The following IRF5 variants were observed in gnomAD, a reference collection of about 807,000 sequenced individuals.
IRF5 encodes the protein interferon regulatory factor 5.
Under a neutral mutation model 55.1 loss-of-function variants are expected in IRF5, and 24 were observed. The ratio of observed to expected loss-of-function variants is 0.44; its 90% confidence interval spans 0.32 to 0.61. The LOEUF (loss-of-function observed/expected upper bound fraction) is 0.61, where lower values mean the gene tolerates loss of function less well. Among genes scored for constraint, IRF5 ranks in the 20% least tolerant of loss-of-function variants. The pLI is 0.07. For missense variants in IRF5, 499 were observed against 658.5 expected (o/e 0.76, Z 2.65); for synonymous variants, 258 against 260.2 (o/e 0.99, Z 0.08).
chr7:128,941,849 G>A (rs140276577), intron 1 of IRF5, among the ~76,000 whole-genome samples: 29 of 152,298 alleles, frequency 1.9e-4, no homozygotes, highest in South Asian at 4.1e-4. Context: ...ACCTGGGGCC[G>A]CGCCCGCAGC....
At chr7:128,945,232 C>T (rs1796235733) in intron 2 of IRF5, among the ~76,000 whole-genome samples, 1 of 152,182 alleles carries the variant, frequency 6.6e-6, no homozygotes. Context: ...CTCACCTCAG[C>T]CTCCTGAGTA....
Position 128,947,159 on chromosome 7 carries a change from T to G in IRF5, c.482-71T>G. The G allele has an allele frequency of 1.2e-6, 2 of 1,606,686 alleles. No homozygotes were observed. Among genetic ancestry groups the G allele is most frequent in the Non-Finnish European group, 1.7e-6 (2 of 1,175,360 alleles). ...ATGGGAGGCTAGGGTGGCCCAGGGC[T>G]GGGAGGAGGTGTGCCTGGGAGGCAG... On this transcript the variant is annotated intron_variant, in intron 5 of 8. Coordinates refer to ENST00000357234, the MANE Select transcript of IRF5 (RefSeq NM_001098629.3). This position sits in a 1 kb window ranked among gnomAD's most constrained non-coding sequence, Gnocchi z 6.5.
rs750835400 is a variant in IRF5, at chr7:128,945,817, T to C, written c.196-28T>C. The C allele has an allele frequency of 3.8e-6, 6 of 1,588,444 alleles. No individual in the cohort carries two copies. The East Asian group carries it at 1.1e-4, about 30-fold the overall frequency. On this transcript the variant is annotated intron_variant, in intron 2 of 8. Transcript: ENST00000357234. ...GGGCTGTGGCAGGGATGAGGTTCTC[T>C]GTGGTCGGCTATTTCTTCCTGCCCC... is the stretch of plus-strand genomic sequence containing the variant.
intron 2 of IRF5, 91 bp from the exon 3 acceptor site, chr7:128,945,754 C>T (rs1796265513): frequency 9.2e-6 from 12 of 1,303,972 alleles, no homozygotes; most frequent in Non-Finnish European, 1.2e-5. Context: ...AAGTTCTCCC[C>T]ACACAGTAGA....
At position 128,946,538 on chromosome 7, in the gene IRF5, A is replaced by AGAG; in HGVS notation, c.432_434dup (p.Glu149dup). ...CTGAGGATTACTCTTTTGGTGCAGG[A>AGAG]GAGGAGGAGGAAGAAGAGGAAGAGG... is the stretch of plus-strand genomic sequence containing the variant. On this transcript the variant is annotated inframe_insertion, in exon 4 of 9. Coordinates refer to ENST00000357234, the MANE Select transcript of IRF5 (RefSeq NM_001098629.3). The surrounding 1 kb of genome is among the most constrained non-coding windows in gnomAD (Gnocchi z 4.2). 6.2e-7 allele frequency: 1 copy of AGAG among 1,607,326 alleles called. No individual in the cohort carries two copies. The highest frequency in any genetic ancestry group is 1.3e-5 in the African/African-American group (1 of 74,920).
In IRF5 at chr7:128,945,873, C is replaced by G; in HGVS notation, c.224C>G (p.Thr75Ser). Residue 75 changes from threonine to serine, a missense_variant, in exon 3 of 9, where the codon ACC (threonine) becomes AGC (serine). By Grantham distance (58) the Thr-to-Ser change is moderately conservative. Around this residue, in one of 2 missense-constraint regions of IRF5, gnomAD observed 305 missense variants for 340.2 expected, o/e 0.90. Transcript: ENST00000357234. ...KAWAKETGKYTEGVDEADPAK... is the reference protein window; with the variant it reads ...KAWAKETGKYSEGVDEADPAK... ...TGGGCCAAGGAGACAGGGAAATACA[C>G]CGAAGGCGTGGATGAAGCCGATCCG... 4 of 1,612,792 alleles carry G rather than the reference C, an allele frequency of 2.5e-6. No individual in the cohort carries two copies. The highest frequency in any genetic ancestry group is 3.4e-6 in the Non-Finnish European group (4 of 1,179,656).
intron 2 of IRF5, among the ~76,000 whole-genome samples, chr7:128,943,585 A>G (rs1796147389): frequency 1.4e-5 from 2 of 138,608 alleles, no homozygotes; most frequent in Admixed American, 1.5e-4. Flanking sequence ...TTTTCACCCT[A>G]GCTGGAGTGC....
chr7:128,941,236 C>G lies in IRF5; in HGVS notation c.-11-835C>G, dbSNP rs567468288. 1.2e-3 allele frequency: 186 copies of G among 152,542 alleles called. 1 individual carries two copies. The highest frequency in any genetic ancestry group is 4.2e-3 in the African/African-American group (175 of 41,562). The allele number at this position is 152,542 out of a possible 1,614,324, so 9.4% of individuals were successfully genotyped here. A position where few individuals can be genotyped will look rare whatever the true frequency, so the allele number is the denominator to read the frequency against. On this transcript the variant is annotated intron_variant, in intron 1 of 8. Transcript: ENST00000357234. ...GGCCTGGGAGGCGGGGCTCGTGCCCCTGGGTAGGTAGCAGTTAGAGCTGTG... is the reference window on the plus strand; with the variant it reads ...GGCCTGGGAGGCGGGGCTCGTGCCCGTGGGTAGGTAGCAGTTAGAGCTGTG...
Position 128,945,930 on chromosome 7 carries a change from T to C in IRF5, c.281T>C (p.Leu94Pro). The C allele has an allele frequency of 6.2e-7, 1 of 1,613,512 alleles. No homozygotes were observed. Among genetic ancestry groups the C allele is most frequent in the South Asian group, 1.1e-5 (1 of 91,040 alleles). Reference sequence around the variant, plus strand: ...TGGAAGGCCAACCTGCGCTGTGCCCTTAACAAGAGCCGGGACTTCCGCCTC... The same window carrying C: ...TGGAAGGCCAACCTGCGCTGTGCCCCTAACAAGAGCCGGGACTTCCGCCTC... ...AKWKANLRCA[L>P]NKSRDFRLIY... is the part of the protein sequence containing the mutation. The change falls in exon 3 of 9, where the codon CTT (leucine) becomes CCT (proline). Residue 94 changes from leucine to proline, a missense_variant. Physicochemically the swap from Leu to Pro is moderately conservative, Grantham distance 98. This residue lies in a region of IRF5 where 305 missense variants were observed against 340.2 expected (regional missense o/e 0.90). Coordinates refer to ENST00000357234, the MANE Select transcript of IRF5 (RefSeq NM_001098629.3).
At chr7:128,940,904 T>G (rs1795984379) in intron 1 of IRF5, 1 of 152,376 alleles carries the variant, frequency 6.6e-6, no homozygotes, top group Non-Finnish European at 1.5e-5. Context: ...CAGGGGAAAC[T>G]GAGGCTCCAT....
In IRF5 at chr7:128,946,394, G is replaced by A; in HGVS notation, c.386-107G>A. On this transcript the variant is annotated intron_variant, in intron 3 of 8. Transcript: ENST00000357234. This position sits in a 1 kb window ranked among gnomAD's most constrained non-coding sequence, Gnocchi z 4.2. The stretch of plus-strand genomic sequence containing the variant: ...TCGCCCTGTGTTGGGGGCAGCTTTG[G>A]GGAAGGCAGAAGCTGCATAGGAGCT... 3 of 1,398,580 alleles carry A rather than the reference G, an allele frequency of 2.1e-6. No homozygotes were observed. The highest frequency in any genetic ancestry group is 2.9e-6 in the Non-Finnish European group (3 of 1,022,040). The allele number at this position is 1,398,580 out of a possible 1,614,324, so 86.6% of individuals were successfully genotyped here.
At chr7:128,939,599 C>T (rs763943240) in intron 1 of IRF5, among the ~76,000 whole-genome samples, 8 of 152,158 alleles carry the variant, frequency 5.3e-5, no homozygotes, top group African/African-American at 1.9e-4. Flanking sequence ...GCCACTCTTA[C>T]TAGGACTGCT....
At chr7:128,945,756 C>A in intron 2 of IRF5, 89 bp from the exon 3 acceptor site, 1 of 1,323,494 alleles carries the variant, frequency 7.6e-7, no homozygotes, top group Non-Finnish European at 1.0e-6. Context: ...GTTCTCCCCA[C>A]ACAGTAGAGT....
rs546262055 is a variant in IRF5, at chr7:128,944,393, A to G, written c.196-1452A>G. 9.2e-5 allele frequency among the ~76,000 whole-genome samples: 14 copies of G among 152,300 alleles called. No individual in the cohort carries two copies. In the South Asian group the frequency reaches 2.9e-3, roughly 32 times the overall value. On this transcript the variant is annotated intron_variant, in intron 2 of 8. Transcript: ENST00000357234. ...AGTTGAAAATTGCTGGGTCAAAGGCAATGCTTATTTTTTAAAACTTTGGGT... is the reference window on the plus strand; with the variant it reads ...AGTTGAAAATTGCTGGGTCAAAGGCGATGCTTATTTTTTAAAACTTTGGGT...
In IRF5 at chr7:128,946,942, TC is replaced by T; in HGVS notation, c.448-77del. 2 of 1,562,822 alleles carry T rather than the reference TC, an allele frequency of 1.3e-6. No homozygotes were observed. Among genetic ancestry groups the T allele is most frequent in the Non-Finnish European group, 1.8e-6 (2 of 1,134,692 alleles). ...TGCCTCATAGTTCTCGCCTGTTATT[TC>T]CCCAGCCCCAGGTCAGTGGAATAAC... On this transcript the variant is annotated intron_variant, in intron 4 of 8. Coordinates refer to ENST00000357234, the MANE Select transcript of IRF5 (RefSeq NM_001098629.3). The surrounding 1 kb of genome is among the most constrained non-coding windows in gnomAD (Gnocchi z 4.2).
Position 128,946,929 on chromosome 7 carries a change from C to G in IRF5, c.448-94C>G. 1 of 1,497,646 alleles carries G rather than the reference C, an allele frequency of 6.7e-7. No homozygotes were observed. Among genetic ancestry groups the G allele is most frequent in the Non-Finnish European group, 9.3e-7 (1 of 1,076,432 alleles). 92.8% of individuals were successfully genotyped at this position (1,497,646 alleles called of 1,614,324 possible). ...AGGCTAGGGGAGTTGCCTCATAGTT[C>G]TCGCCTGTTATTTCCCCAGCCCCAG... On this transcript the variant is annotated intron_variant, in intron 4 of 8. Coordinates refer to ENST00000357234, the MANE Select transcript of IRF5 (RefSeq NM_001098629.3). The surrounding 1 kb of genome is among the most constrained non-coding windows in gnomAD (Gnocchi z 4.2).
At chr7:128,942,658 G>A (rs926144762) in intron 2 of IRF5, among the ~76,000 whole-genome samples, 1 of 151,906 alleles carries the variant, frequency 6.6e-6, no homozygotes, top group South Asian at 2.1e-4. Flanking sequence ...GAGCATCGTG[G>A]GGACTGAGGG....
In IRF5 at chr7:128,948,397, C is replaced by T; in HGVS notation, c.1299+69C>T. 2.0e-6 allele frequency: 3 copies of T among 1,486,648 alleles called. No individual in the cohort carries two copies. The highest frequency in any genetic ancestry group is 2.6e-5 in the South Asian group (2 of 76,996). 92.1% of individuals were successfully genotyped at this position (1,486,648 alleles called of 1,614,324 possible). A position where few individuals can be genotyped will look rare whatever the true frequency, so the allele number is the denominator to read the frequency against. On this transcript the variant is annotated intron_variant, in intron 8 of 8. Coordinates refer to ENST00000357234, the MANE Select transcript of IRF5 (RefSeq NM_001098629.3). This position sits in a 1 kb window ranked among gnomAD's most constrained non-coding sequence, Gnocchi z 4.6. ...GGGAATCCTGGGGCTAGGCCCTTGC[C>T]CCAGGCTGGAGGCTCAGGGCTCCCT...
chr7:128,945,088 T>C (rs1796229390), intron 2 of IRF5, among the ~76,000 whole-genome samples: 1 of 152,212 alleles, frequency 6.6e-6, no homozygotes, highest in Non-Finnish European at 1.5e-5. Context: ...TGTGCAGGTT[T>C]AGCTCTGAGT....
Sources: allele counts gnomAD v4.1 joint callset (sites outside exome capture counted in the v4.1 genomes callset), GRCh38; gene constraint gnomAD v4.1.1; regional missense constraint gnomAD v4.1.1; non-coding constraint Gnocchi (gnomAD v3.1); transcripts MANE v1.5; gene names NCBI Gene and HGNC (gene_info 2026-07-23, HGNC 2026-07-21).